PARD3B: variants seen among roughly 807,000 people sequenced by gnomAD.
PARD3B encodes the protein par-3 family cell polarity regulator beta, also known as partitioning defective 3 homolog B.
PARD3B carries 103 observed loss-of-function variants against 130.2 expected under a neutral mutation model. That is an observed-to-expected ratio of 0.79 (90% CI 0.67 to 0.93). The LOEUF (loss-of-function observed/expected upper bound fraction) is 0.93, where lower values mean the gene tolerates loss of function less well. PARD3B is among the 40% of genes least tolerant of loss of function. PARD3B has a pLI of 0.00. For synonymous variants in PARD3B, 583 were observed against 553.2 expected (o/e 1.05, Z -0.76); for missense variants, 1,609 against 1,499.2 (o/e 1.07, Z -1.21).
Position 205,125,725 on chromosome 2 carries a change from G to A in PARD3B, c.1422G>A (p.Leu474=), listed in dbSNP as rs370179934. The change falls in exon 10 of 23, where the codon CTG becomes CTA. Residue 474 remains leucine (L), a synonymous_variant. Transcript: ENST00000406610. This position sits in a 1 kb window ranked among gnomAD's most constrained non-coding sequence, Gnocchi z 4.0. Reference sequence around the variant, plus strand: ...TTGCCCGCCAAGAAGGACATTTTCTGCCCCGAGAGTTGGTAATGTTCAGAT... The same window carrying A: ...TTGCCCGCCAAGAAGGACATTTTCTACCCCGAGAGTTGGTAATGTTCAGAT... The part of the protein sequence containing the change: ...LVIARQEGHF[L]PRELKGEPDC... 1.7e-5 allele frequency: 27 copies of A among 1,613,946 alleles called. No individual in the cohort carries two copies. In the African/African-American group the frequency reaches 2.7e-4, roughly 16 times the overall value.
rs555320581 is a variant in PARD3B at position 204,606,606 on chromosome 2, A to G, written c.120+60487A>G. Among the ~76,000 whole-genome samples, 11 of 152,280 alleles carry G rather than the reference A, an allele frequency of 7.2e-5. No homozygotes were observed. The highest frequency in any genetic ancestry group is 2.2e-4 in the African/African-American group (9 of 41,572). On this transcript the variant is annotated intron_variant, in intron 1 of 22. Transcript: ENST00000406610. This position sits in a 1 kb window ranked among gnomAD's most constrained non-coding sequence, Gnocchi z 4.0. ...CTTGTAGGTGGAAAAGTGTGATTCT[A>G]TTATGTGCTCAGAATAGGAGAATCA...
At chr2:205,039,022 C>A (rs1698201847) in intron 3 of PARD3B, among the ~76,000 whole-genome samples, 1 of 152,106 alleles carries the variant, frequency 6.6e-6, no homozygotes, top group African/African-American at 2.4e-5. Context: ...CGAAAGTGAT[C>A]TCTTCTCAGT....
chr2:205,175,586 G>A (rs2042117), intron 12 of PARD3B, among the ~76,000 whole-genome samples: 14,661 of 152,246 alleles, frequency 0.096, 936 homozygotes, highest in East Asian at 0.12. Context: ...GATGGGTGCT[G>A]CTGTTTGTGG....
At position 204,606,206 on chromosome 2, in the gene PARD3B, G is replaced by T. The variant is rs1011732598; in HGVS notation, c.120+60087G>T. On this transcript the variant is annotated intron_variant, in intron 1 of 22. Coordinates refer to ENST00000406610, the MANE Select transcript of PARD3B (RefSeq NM_001302769.2). This position sits in a 1 kb window ranked among gnomAD's most constrained non-coding sequence, Gnocchi z 4.0. ...TGTCTTTGAGTTTGCCACACATGTG[G>T]CATAGTGCAGCGCCTTATGTATTGG... Among the ~76,000 whole-genome samples, 2 of 152,184 alleles carry T rather than the reference G, an allele frequency of 1.3e-5. No individual in the cohort carries two copies. Among genetic ancestry groups the T allele is most frequent in the East Asian group, 3.8e-4 (2 of 5,200 alleles).
chr2:205,403,005 T>A (rs879702709), intron 19 of PARD3B, among the ~76,000 whole-genome samples: 1 of 152,024 alleles, frequency 6.6e-6, no homozygotes, highest in Non-Finnish European at 1.5e-5. Flanking sequence ...AACCCTGGAG[T>A]CCTGATCCTT....
chr2:205,550,119 T>C lies in PARD3B; in HGVS notation c.3181-3205T>C, dbSNP rs2052552926. Among the ~76,000 whole-genome samples, 1 of 152,162 alleles carries C rather than the reference T, an allele frequency of 6.6e-6. No homozygotes were observed. Among genetic ancestry groups the C allele is most frequent in the Admixed American group, 6.5e-5 (1 of 15,272 alleles). On this transcript the variant is annotated intron_variant, in intron 21 of 22. Transcript: ENST00000406610. This position sits in a 1 kb window ranked among gnomAD's most constrained non-coding sequence, Gnocchi z 4.5. ...GCTTTCGATATGCCTCCATGGTTTT[T>C]CACTTTTGTGCTCTTTACTTGAATG...
At chr2:204,844,801 T>C (rs1445410545) in intron 2 of PARD3B, among the ~76,000 whole-genome samples, 1 of 152,172 alleles carries the variant, frequency 6.6e-6, no homozygotes, top group Non-Finnish European at 1.5e-5. Context: ...CTTGAAAAAG[T>C]TGTACGTTTT....
At chr2:205,381,176 A>ATAT (rs2045424976) in intron 18 of PARD3B, among the ~76,000 whole-genome samples, 2 of 119,414 alleles carry the variant, frequency 1.7e-5, no homozygotes, top group Non-Finnish European at 3.2e-5. Context: ...AATATATAAT[A>ATAT]TATATAAAGA....
At chr2:205,365,549 C>CTTCCTT (rs1553686134) in intron 18 of PARD3B, among the ~76,000 whole-genome samples, 1 of 113,760 alleles carries the variant, frequency 8.8e-6, no homozygotes, top group East Asian at 2.3e-4. Context: ...CCCAACCTTC[C>CTTCCTT]TTTTTTTTTT....
At chr2:205,529,676 A>G (rs9288368) in intron 21 of PARD3B, among the ~76,000 whole-genome samples, 143,083 of 152,206 alleles carry the variant, frequency 0.94, 67,863 homozygotes, top group East Asian at 1. Context: ...CTTTTTGGAC[A>G]TGCCATTAGG....
In PARD3B at chr2:205,592,362, G is replaced by A. The variant is rs1426700754; in HGVS notation, c.3261-23094G>A. On this transcript the variant is annotated intron_variant, in intron 22 of 22. Coordinates refer to ENST00000406610, the MANE Select transcript of PARD3B (RefSeq NM_001302769.2). The surrounding 1 kb of genome is among the most constrained non-coding windows in gnomAD (Gnocchi z 4.5). ...CACTGGGAGAGAAAGGGATGAGGCT[G>A]AAACTCAAATGAGTACCCATTTAAA... is the stretch of plus-strand genomic sequence containing the variant. Among the ~76,000 whole-genome samples the A allele has an allele frequency of 6.6e-6, 1 of 152,132 alleles. No homozygotes were observed. The highest frequency in any genetic ancestry group is 1.5e-5 in the Non-Finnish European group (1 of 68,024).
chr2:205,411,020 G>T (rs1241080243), intron 19 of PARD3B, among the ~76,000 whole-genome samples: 1 of 152,028 alleles, frequency 6.6e-6, no homozygotes, highest in East Asian at 1.9e-4. Context: ...TACATCAGTG[G>T]TTCTCAACTT....
chr2:204,573,268 A>G (rs150155468), intron 1 of PARD3B, among the ~76,000 whole-genome samples: 1 of 152,316 alleles, frequency 6.6e-6, no homozygotes, highest in East Asian at 1.9e-4. Context: ...TTCCACTAGA[A>G]TGTAAGCAGA....
At chr2:205,153,052 A>T (rs983650330) in intron 10 of PARD3B, among the ~76,000 whole-genome samples, 2 of 152,010 alleles carry the variant, frequency 1.3e-5, no homozygotes, top group African/African-American at 4.8e-5. Flanking sequence ...CTGGTGGTCC[A>T]CTCCAGACCC....
chr2:204,579,004 G>A (rs2125078065), intron 1 of PARD3B, among the ~76,000 whole-genome samples: 1 of 152,120 alleles, frequency 6.6e-6, no homozygotes, highest in Non-Finnish European at 1.5e-5. Flanking sequence ...GAAGCGTGTG[G>A]TCTTTGAACT....
rs566137808 is a variant in PARD3B, at chr2:205,423,968, A to G, written c.2742-16402A>G. 3.3e-5 allele frequency among the ~76,000 whole-genome samples: 5 copies of G among 152,266 alleles called. No homozygotes were observed. In the South Asian group the frequency reaches 8.3e-4, roughly 25 times the overall value. On this transcript the variant is annotated intron_variant, in intron 19 of 22. Coordinates refer to ENST00000406610, the MANE Select transcript of PARD3B (RefSeq NM_001302769.2). ...AGGAGGAGGGAGGGGATCAGGAAAAATAGCTTATGGGTACTAGGCTTCATA... is the reference window on the plus strand; with the variant it reads ...AGGAGGAGGGAGGGGATCAGGAAAAGTAGCTTATGGGTACTAGGCTTCATA...
At chr2:205,587,047 A>T (rs534162005) in intron 22 of PARD3B, among the ~76,000 whole-genome samples, 2 of 152,338 alleles carry the variant, frequency 1.3e-5, no homozygotes, top group Admixed American at 1.3e-4. Flanking sequence ...TGGCCTTAAC[A>T]AGTAAGCTTC....
intron 2 of PARD3B, among the ~76,000 whole-genome samples, chr2:204,695,332 T>C (rs535980458): frequency 3.3e-5 from 5 of 152,092 alleles, no homozygotes; most frequent in African/African-American, 1.2e-4. Flanking sequence ...CCTAAAATTA[T>C]ACCAAATGGA....
chr2:204,789,633 A>AT (rs1005352940), intron 2 of PARD3B, among the ~76,000 whole-genome samples: 1 of 152,282 alleles, frequency 6.6e-6, no homozygotes, highest in African/African-American at 2.4e-5. Flanking sequence ...GAATTCTGCA[A>AT]TTTTTTTAAG....
Sources: gnomAD v4.1 joint callset for allele counts (sites outside exome capture counted in the v4.1 genomes callset) on GRCh38, gnomAD v4.1.1 for gene constraint, Gnocchi (gnomAD v3.1) non-coding constraint, MANE v1.5 for transcripts, NCBI Gene and HGNC (gene_info 2026-07-23, HGNC 2026-07-21) for gene names.